CD163: variants seen among roughly 807,000 people sequenced by gnomAD.
CD163 encodes CD163 molecule.
In CD163, 64 loss-of-function variants were observed where a neutral mutation model predicts 129.2. The observed-to-expected ratio is 0.50, with a 90% CI of 0.41 to 0.61. CD163 has a LOEUF of 0.61. Among genes scored for constraint, CD163 ranks in the 20% least tolerant of loss-of-function variants. The pLI is 0.00. For missense variants in CD163, 1,061 were observed against 1,377.9 expected (o/e 0.77, Z 3.64); for synonymous variants, 446 against 478.5 (o/e 0.93, Z 0.89).
chr12:7,482,344 C>T (rs751173192), intron 14 of CD163, among the ~76,000 whole-genome samples: 1 of 152,254 alleles, frequency 6.6e-6, no homozygotes, highest in South Asian at 2.1e-4. Flanking sequence ...CTTTTCTCCT[C>T]TGAAATCTTA....
At chr12:7,501,502 A>G in intron 2 of CD163, 40 bp from the exon 3 acceptor site, 1 of 1,490,092 alleles carries the variant, frequency 6.7e-7, no homozygotes, top group Non-Finnish European at 9.3e-7. Flanking sequence ...CCAAGGTCGC[A>G]AAGAGCAAGT....
chr12:7,482,845 C>G (rs761510093), intron 13 of CD163, 83 bp from the exon 14 acceptor site: 1 of 1,586,854 alleles, frequency 6.3e-7, no homozygotes, highest in South Asian at 1.1e-5. Flanking sequence ...TCTCTTAGGT[C>G]AAATACTTGA....
intron 6 of CD163, among the ~76,000 whole-genome samples, chr12:7,491,590 C>T (rs2136719078): frequency 6.6e-6 from 1 of 152,126 alleles, no homozygotes; most frequent in East Asian, 1.9e-4. Flanking sequence ...CTACAAAGAG[C>T]TTTAACATAA....
chr12:7,483,283 C>A, intron 12 of CD163, 84 bp downstream of exon 12: 2 of 1,283,268 alleles, frequency 1.6e-6, no homozygotes, highest in Non-Finnish European at 2.2e-6. Context: ...GCTGATAAAT[C>A]CGGTTTTTAC....
Position 7,502,537 on chromosome 12 carries a change from C to A in CD163, c.74G>T (p.Ser25Ile). Reference protein sequence around the residue: ...ADFRRHFVNLSPFTITVVLLL... With the variant: ...ADFRRHFVNLIPFTITVVLLL... ...TAAGACCACAGTAATGGTGAAGGGA[C>A]TCAAGTTGACAAAATGTCTTCTGAA... Residue 25 changes from serine to isoleucine, a missense_variant, in exon 2 of 17, where the codon AGT becomes ATT. Physicochemically the swap from Ser to Ile is moderately radical, Grantham distance 142. Coordinates refer to ENST00000432237, the MANE Select transcript of CD163 (RefSeq NM_203416.4). 6.3e-7 allele frequency: 1 copy of A among 1,595,560 alleles called. No individual in the cohort carries two copies. The highest frequency in any genetic ancestry group is 8.6e-7 in the Non-Finnish European group (1 of 1,166,726).
Position 7,503,724 on chromosome 12 carries a change from C to T in CD163, c.-34G>A. ...TTTATAACTTCAATGATTCCTAAAT[C>T]TTCTTGTATTATTCCCTAGAAATGT... On this transcript the variant is annotated 5_prime_UTR_variant, in exon 1 of 17. Coordinates refer to ENST00000432237, the MANE Select transcript of CD163 (RefSeq NM_203416.4). 2 of 1,362,048 alleles carry T rather than the reference C, an allele frequency of 1.5e-6. No homozygotes were observed. Among genetic ancestry groups the T allele is most frequent in the Non-Finnish European group, 2.1e-6 (2 of 963,390 alleles). The allele number at this position is 1,362,048 out of a possible 1,614,324, so 84.4% of individuals were successfully genotyped here. A position where few individuals can be genotyped will look rare whatever the true frequency, so the allele number is the denominator to read the frequency against.
At chr12:7,492,128 A>G (rs1328435360) in intron 6 of CD163, among the ~76,000 whole-genome samples, 4 of 152,150 alleles carry the variant, frequency 2.6e-5, no homozygotes, top group African/African-American at 7.2e-5. Context: ...CTATATTACT[A>G]ACAAAACATG....
chr12:7,495,418 A>C lies in CD163; in HGVS notation c.1100-17T>G. The C allele has an allele frequency of 6.2e-7, 1 of 1,609,240 alleles. No homozygotes were observed. Among genetic ancestry groups the C allele is most frequent in the Non-Finnish European group, 8.5e-7 (1 of 1,175,968 alleles). On this transcript the variant is annotated splice_polypyrimidine_tract_variant and intron_variant, in intron 5 of 16. Coordinates refer to ENST00000432237, the MANE Select transcript of CD163 (RefSeq NM_203416.4). ...CTGATCCATCTGCAAAAGAAACATA[A>C]ACTTAAACCATCGATACATATGGAG... is the stretch of plus-strand genomic sequence containing the variant.
chr12:7,472,217 C>T (rs747780031), intron 16 of CD163, among the ~76,000 whole-genome samples: 12 of 152,316 alleles, frequency 7.9e-5, no homozygotes, highest in Non-Finnish European at 1.5e-4. Flanking sequence ...AGCGCTCGAG[C>T]TCTGCTAAGG....
At chr12:7,476,025 T>TA (rs1949081835) in intron 16 of CD163, among the ~76,000 whole-genome samples, 3 of 152,058 alleles carry the variant, frequency 2.0e-5, no homozygotes, top group Admixed American at 2.0e-4. Context: ...GAATACAACT[T>TA]ACAAGGGATG....
At position 7,486,846 on chromosome 12, in the gene CD163, C is replaced by A. The variant is rs757663630; in HGVS notation, c.2144-33G>T. 21 of 1,604,416 alleles carry A rather than the reference C, an allele frequency of 1.3e-5. No homozygotes were observed. The African/African-American group carries it at 2.7e-4, about 20-fold the overall frequency. ...GAGAAATGAAACTATTAATAATGAG[C>A]ATTCCACTTGTTATTAATATTTTCA... On this transcript the variant is annotated intron_variant, in intron 9 of 16. Transcript: ENST00000432237.
chr12:7,474,427 C>T (rs889010532), intron 16 of CD163, among the ~76,000 whole-genome samples: 8 of 152,140 alleles, frequency 5.3e-5, no homozygotes, highest in African/African-American at 7.2e-5. Context: ...GAAACTCACT[C>T]GAAACCTCAC....
At chr12:7,473,738 T>C (rs1300935085) in intron 16 of CD163, among the ~76,000 whole-genome samples, 2 of 152,142 alleles carry the variant, frequency 1.3e-5, no homozygotes, top group African/African-American at 4.8e-5. Context: ...TAACCTTAAA[T>C]GTAAATGGGT....
At chr12:7,476,103 GA>G (rs1949083072) in intron 16 of CD163, among the ~76,000 whole-genome samples, 1 of 152,100 alleles carries the variant, frequency 6.6e-6, no homozygotes, top group African/African-American at 2.4e-5. Context: ...CAAACAAATG[GA>G]AAAACATTCC....
rs1399467115 is a variant in CD163, at chr12:7,486,657, T to C, written c.2300A>G (p.Asn767Ser). ...CRQLGCGEAI[N>S]ATGSAHFGEG... The stretch of plus-strand genomic sequence containing the variant: ...CCCAAAATGAGCAGAACCAGTGGCA[T>C]TAATGGCCTCTCCACAGCCCAGCTG... The change falls in exon 10 of 17, where the codon AAT (asparagine) becomes AGT (serine). Residue 767 changes from asparagine to serine, a missense_variant. Physicochemically the swap from Asn to Ser is conservative, Grantham distance 46. Coordinates refer to ENST00000432237, the MANE Select transcript of CD163 (RefSeq NM_203416.4). The C allele has an allele frequency of 6.2e-7, 1 of 1,614,158 alleles. No individual in the cohort carries two copies. The highest frequency in any genetic ancestry group is 1.7e-5 in the Admixed American group (1 of 60,012).
intron 3 of CD163, among the ~76,000 whole-genome samples, chr12:7,500,604 C>T (rs1347629577): frequency 6.6e-6 from 1 of 151,912 alleles, no homozygotes; most frequent in Admixed American, 6.6e-5. Context: ...ATTAAAAGCA[C>T]AATGTAAATG....
chr12:7,486,670 C>T lies in CD163; in HGVS notation c.2287G>A (p.Gly763Arg). 6.2e-7 allele frequency: 1 copy of T among 1,614,176 alleles called. No individual in the cohort carries two copies. The highest frequency in any genetic ancestry group is 8.5e-7 in the Non-Finnish European group (1 of 1,180,032). ...AHVVCRQLGC[G>R]EAINATGSAH... ...GAACCAGTGGCATTAATGGCCTCTC[C>T]ACAGCCCAGCTGTCTGCAAACCACG... Residue 763 changes from glycine (G) to arginine (R), a missense_variant, in exon 10 of 17, where the codon GGA becomes AGA. By Grantham distance (125) the Gly-to-Arg change is moderately radical. Coordinates refer to ENST00000432237, the MANE Select transcript of CD163 (RefSeq NM_203416.4).
At chr12:7,497,802 G>T (rs1055679046) in intron 4 of CD163, among the ~76,000 whole-genome samples, 1 of 152,138 alleles carries the variant, frequency 6.6e-6, no homozygotes, top group Non-Finnish European at 1.5e-5. Context: ...CTAACTGGGG[G>T]CCTAGAGAAA....
chr12:7,503,736 T>C lies in CD163; in HGVS notation c.-46A>G. On this transcript the variant is annotated 5_prime_UTR_variant, in exon 1 of 17. Coordinates refer to ENST00000432237, the MANE Select transcript of CD163 (RefSeq NM_203416.4). ...ATGATTCCTAAATCTTCTTGTATTA[T>C]TCCCTAGAAATGTTCTTCTAAAGAA... is the stretch of plus-strand genomic sequence containing the variant. 1 of 1,202,464 alleles carries C rather than the reference T, an allele frequency of 8.3e-7. No individual in the cohort carries two copies. The allele number at this position is 1,202,464 out of a possible 1,614,324, so 74.5% of individuals were successfully genotyped here. A position where few individuals can be genotyped will look rare whatever the true frequency, so the allele number is the denominator to read the frequency against.
Sources: gnomAD v4.1 joint callset for allele counts (sites outside exome capture counted in the v4.1 genomes callset) on GRCh38, gnomAD v4.1.1 for gene constraint, MANE v1.5 for transcripts, NCBI Gene and HGNC (gene_info 2026-07-23, HGNC 2026-07-21) for gene names.